The following GALNT13 variants were observed in gnomAD, a reference collection of about 807,000 sequenced individuals.
GALNT13 encodes the protein UDP-GalNAc:polypeptide N-acetylgalactosaminyltransferase 13.
A neutral mutation model predicts 64.2 loss-of-function variants in GALNT13; 28 were observed. The observed-to-expected ratio is 0.44, with a 90% CI of 0.32 to 0.60. The LOEUF (loss-of-function observed/expected upper bound fraction) is 0.60, where lower values mean the gene tolerates loss of function less well. Among genes scored for constraint, GALNT13 ranks in the 20% least tolerant of loss-of-function variants. The probability of loss-of-function intolerance (pLI) is 0.05; values close to 1 mark genes in which losing one functional copy is unlikely to be tolerated. For synonymous variants in GALNT13, 214 were observed against 224.6 expected, an observed-to-expected ratio of 0.95 and a Z score of 0.42; for missense variants, 577 against 669.8, an observed-to-expected ratio of 0.86 and a Z score of 1.53.
chr2:153,443,348 C>G, the GALNT13 span, among the ~76,000 whole-genome samples: 2 of 152,206 alleles, frequency 1.3e-5, no homozygotes, highest in Non-Finnish European at 2.9e-5. Flanking sequence ...ACACTCCACC[C>G]TGCTTCAGCT....
At chr2:154,003,422 G>T (rs1360161418) in intron 3 of GALNT13, among the ~76,000 whole-genome samples, 2 of 152,126 alleles carry the variant, frequency 1.3e-5, no homozygotes, top group Non-Finnish European at 2.9e-5. Context: ...TCATTTTTGT[G>T]GCTCAGGGTA....
At chr2:154,383,314 ATAG>A (rs986117039) in intron 9 of GALNT13, among the ~76,000 whole-genome samples, 44 of 152,072 alleles carry the variant, frequency 2.9e-4, no homozygotes, top group African/African-American at 1.0e-3. Flanking sequence ...TTTCATAATC[ATAG>A]TAGCACTCAG....
intron 9 of GALNT13, among the ~76,000 whole-genome samples, chr2:154,342,876 A>G (rs1470062480): frequency 6.6e-6 from 1 of 151,826 alleles, no homozygotes; most frequent in African/African-American, 2.4e-5. Flanking sequence ...TTTAAGCTTT[A>G]AAATATTTAA....
At chr2:153,890,055 T>C (rs1355628511) in intron 1 of GALNT13, among the ~76,000 whole-genome samples, 1 of 151,790 alleles carries the variant, frequency 6.6e-6, no homozygotes, top group East Asian at 1.9e-4. Context: ...CTTCTGAGAA[T>C]TATTTTCTCA....
At chr2:154,113,550 C>G (rs1388156758) in intron 3 of GALNT13, among the ~76,000 whole-genome samples, 3 of 152,280 alleles carry the variant, frequency 2.0e-5, no homozygotes, top group East Asian at 3.9e-4. Context: ...CTCAACAGGC[C>G]CCACACCACT....
At chr2:154,071,896 A>G (rs1270539078) in intron 3 of GALNT13, among the ~76,000 whole-genome samples, 1 of 152,120 alleles carries the variant, frequency 6.6e-6, no homozygotes, top group African/African-American at 2.4e-5. Context: ...ATGATGAAAT[A>G]GACAAGAAGC....
At chr2:153,809,981 G>A in the GALNT13 span, among the ~76,000 whole-genome samples, 1 of 151,650 alleles carries the variant, frequency 6.6e-6, no homozygotes, top group East Asian at 1.9e-4. Context: ...GTTTTGTTTT[G>A]AGACAGAGTT....
the GALNT13 span, among the ~76,000 whole-genome samples, chr2:153,238,117 G>A: frequency 6.6e-6 from 1 of 151,986 alleles, no homozygotes; most frequent in Non-Finnish European, 1.5e-5. Flanking sequence ...ATACCTGTTT[G>A]CCATTTGCAT....
the GALNT13 span, among the ~76,000 whole-genome samples, chr2:153,757,037 T>C: frequency 0.24 from 35,862 of 152,090 alleles, 4,544 homozygotes; most frequent in Non-Finnish European, 0.28. Flanking sequence ...TATGCACTTA[T>C]GGAGTACAAA....
chr2:153,925,996 G>A (rs1690109173), intron 2 of GALNT13, among the ~76,000 whole-genome samples: 1 of 152,088 alleles, frequency 6.6e-6, no homozygotes, highest in East Asian at 1.9e-4. Context: ...CATGTTACCT[G>A]CAAACAAAGA....
rs552055312 is a variant in GALNT13 at position 153,940,057 on chromosome 2, A to G, written c.-104-4337A>G. On this transcript the variant is annotated intron_variant, in intron 2 of 12. Coordinates refer to ENST00000392825, the MANE Select transcript of GALNT13 (RefSeq NM_052917.4). Reference sequence around the variant, plus strand: ...TCTCCCTTTCCTTAGTGTATATGCAAATGAGGGCATTTTTTGTTGTTGTTT... The same window carrying G: ...TCTCCCTTTCCTTAGTGTATATGCAGATGAGGGCATTTTTTGTTGTTGTTT... Among the ~76,000 whole-genome samples, 143 of 151,810 alleles carry G rather than the reference A, an allele frequency of 9.4e-4. No homozygotes were observed. In the Middle Eastern group the frequency reaches 0.01, roughly 11 times the overall value.
At chr2:154,142,897 A>T (rs961067434) in intron 4 of GALNT13, among the ~76,000 whole-genome samples, 1 of 152,168 alleles carries the variant, frequency 6.6e-6, no homozygotes, top group Non-Finnish European at 1.5e-5. Flanking sequence ...TACAATAAGC[A>T]TATACAAAAA....
At chr2:154,377,187 TATTAA>T in intron 9 of GALNT13, among the ~76,000 whole-genome samples, 1 of 151,992 alleles carries the variant, frequency 6.6e-6, no homozygotes, top group African/African-American at 2.4e-5. Flanking sequence ...ATACAACAAA[TATTAA>T]ATTACAGAAG....
At chr2:154,419,299 A>T (rs1700153422) in intron 11 of GALNT13, among the ~76,000 whole-genome samples, 1 of 152,138 alleles carries the variant, frequency 6.6e-6, no homozygotes, top group Non-Finnish European at 1.5e-5. Context: ...GAAATGTTAA[A>T]TATGTCATGT....
Position 154,298,608 on chromosome 2 carries a change from T to TAAA in GALNT13, c.976-2801_976-2800insAAA, listed in dbSNP as rs1190599505. 5.2e-4 allele frequency among the ~76,000 whole-genome samples: 2 copies of TAAA among 3,868 alleles called. 1 individual carries two copies. The highest frequency in any genetic ancestry group is 1.1e-3 in the Non-Finnish European group (2 of 1,814). 2.5% of individuals were successfully genotyped at this position (3,868 alleles called of 152,430 possible). A position where few individuals can be genotyped will look rare whatever the true frequency, so the allele number is the denominator to read the frequency against. The stretch of plus-strand genomic sequence containing the variant: ...ATAATTTATATATACAATGTATATA[T>TAAA]TAATTTATATATACATTGTATATAT... On this transcript the variant is annotated intron_variant, in intron 8 of 12. Coordinates refer to ENST00000392825, the MANE Select transcript of GALNT13 (RefSeq NM_052917.4).
At chr2:153,796,303 C>A in the GALNT13 span, among the ~76,000 whole-genome samples, 1 of 152,130 alleles carries the variant, frequency 6.6e-6, no homozygotes, top group African/African-American at 2.4e-5. Flanking sequence ...GAGTGGGGAG[C>A]ATTTTCTCCC....
At chr2:154,215,480 C>G (rs996420514) in intron 4 of GALNT13, among the ~76,000 whole-genome samples, 1 of 152,104 alleles carries the variant, frequency 6.6e-6, no homozygotes, top group Non-Finnish European at 1.5e-5. Context: ...TTGGCACTCT[C>G]CCTCCACCAC....
At chr2:154,388,173 G>T (rs1262752649) in intron 9 of GALNT13, among the ~76,000 whole-genome samples, 3 of 152,156 alleles carry the variant, frequency 2.0e-5, no homozygotes, top group African/African-American at 7.2e-5. Flanking sequence ...GATTAGTGAT[G>T]TAAGCATTTA....
chr2:154,296,214 G>A (rs1559073764), intron 8 of GALNT13, among the ~76,000 whole-genome samples: 1 of 152,258 alleles, frequency 6.6e-6, no homozygotes, highest in Non-Finnish European at 1.5e-5. Flanking sequence ...TGCATCACTG[G>A]ACCTATCAAT....
Sources: allele counts gnomAD v4.1 joint callset (sites outside exome capture counted in the v4.1 genomes callset), GRCh38; gene constraint gnomAD v4.1.1; transcripts MANE v1.5; gene names NCBI Gene and HGNC (gene_info 2026-07-23, HGNC 2026-07-21).